The following ADGRL2 variants were observed in gnomAD, a reference collection of about 807,000 sequenced individuals.
ADGRL2 encodes the protein calcium-independent alpha-latrotoxin receptor 2.
A neutral mutation model predicts 157.4 loss-of-function variants in ADGRL2; 44 were observed. The ratio of observed to expected loss-of-function variants is 0.28; its 90% confidence interval spans 0.22 to 0.36. The LOEUF (loss-of-function observed/expected upper bound fraction) is 0.36. Ranked by LOEUF, ADGRL2 falls within the 10% of genes least tolerant of loss-of-function variation. The pLI is 1.00. For synonymous variants in ADGRL2, 585 were observed against 624.7 expected (o/e 0.94, Z 0.95); for missense variants, 1,510 against 1,768.9 (o/e 0.85, Z 2.63).
chr1:81,614,279 C>G (rs2081599548), intron 3 of ADGRL2, among the ~76,000 whole-genome samples: 1 of 152,046 alleles, frequency 6.6e-6, no homozygotes, highest in Non-Finnish European at 1.5e-5. Flanking sequence ...ATATGAAGTC[C>G]AAAAAAGATG....
At chr1:81,701,792 G>A (rs2083582814) in intron 1 of ADGRL2, among the ~76,000 whole-genome samples, 1 of 152,224 alleles carries the variant, frequency 6.6e-6, no homozygotes, top group Non-Finnish European at 1.5e-5. Flanking sequence ...GCAAAGCAGA[G>A]GATGTACTAT....
chr1:81,355,510 ACTT>A (rs1325093825), intron 1 of ADGRL2, among the ~76,000 whole-genome samples: 1 of 152,168 alleles, frequency 6.6e-6, no homozygotes, highest in Non-Finnish European at 1.5e-5. Context: ...TAATCTATAG[ACTT>A]CTTTGGATTA....
intron 1 of ADGRL2, among the ~76,000 whole-genome samples, chr1:81,810,655 G>A (rs2089747259): frequency 6.6e-6 from 1 of 151,658 alleles, no homozygotes; most frequent in Non-Finnish European, 1.5e-5. Flanking sequence ...AATATTCTAT[G>A]CTTATGTATT....
chr1:81,529,912 C>T (rs924116689), intron 2 of ADGRL2, among the ~76,000 whole-genome samples: 1 of 152,164 alleles, frequency 6.6e-6, no homozygotes, highest in Non-Finnish European at 1.5e-5. Context: ...TATTGAGGAA[C>T]AAAACCTGTG....
chr1:81,669,677 G>A (rs553094770), intron 3 of ADGRL2, among the ~76,000 whole-genome samples: 2 of 151,926 alleles, frequency 1.3e-5, no homozygotes, highest in Admixed American at 1.3e-4. Flanking sequence ...GTGTGGTGGT[G>A]CACACCTGTA....
intron 3 of ADGRL2, among the ~76,000 whole-genome samples, chr1:81,924,848 A>G (rs907425628): frequency 6.6e-6 from 1 of 152,070 alleles, no homozygotes; most frequent in African/African-American, 2.4e-5. Context: ...TTTTCATGTC[A>G]AAGAGATTGT....
intron 1 of ADGRL2, among the ~76,000 whole-genome samples, chr1:81,394,947 A>G (rs1210213788): frequency 2.6e-5 from 4 of 151,660 alleles, no homozygotes; most frequent in African/African-American, 9.7e-5. Flanking sequence ...CACCCTGGCC[A>G]GAGTGCAGTG....
chr1:81,958,899 C>T (rs1318713680), intron 11 of ADGRL2, among the ~76,000 whole-genome samples: 2 of 152,134 alleles, frequency 1.3e-5, no homozygotes, highest in African/African-American at 2.4e-5. Context: ...ATGTAGTACT[C>T]CTTTTGATCT....
At chr1:81,903,978 T>C (rs2094540101) in intron 2 of ADGRL2, among the ~76,000 whole-genome samples, 1 of 151,788 alleles carries the variant, frequency 6.6e-6, no homozygotes, top group Non-Finnish European at 1.5e-5. Flanking sequence ...GTGGGGGAGA[T>C]GGCATATAAT....
chr1:81,724,042 C>T (rs1030789143), intron 1 of ADGRL2, among the ~76,000 whole-genome samples: 18 of 152,012 alleles, frequency 1.2e-4, no homozygotes, highest in Admixed American at 1.2e-3. Context: ...TTTTCTTGGG[C>T]TAAAGACAGG....
At chr1:81,828,080 A>G (rs1310481945) in intron 1 of ADGRL2, among the ~76,000 whole-genome samples, 3 of 152,208 alleles carry the variant, frequency 2.0e-5, no homozygotes, top group African/African-American at 7.2e-5. Flanking sequence ...ATCTATAAAC[A>G]GGGGTTGGGC....
At chr1:81,315,340 A>G (rs1054476819) in intron 1 of ADGRL2, among the ~76,000 whole-genome samples, 2 of 152,150 alleles carry the variant, frequency 1.3e-5, no homozygotes, top group African/African-American at 2.4e-5. Context: ...CATAAAAAAA[A>G]AATCACATCC....
intron 1 of ADGRL2, among the ~76,000 whole-genome samples, chr1:81,416,358 T>G (rs1023321239): frequency 2.0e-5 from 3 of 151,760 alleles, no homozygotes; most frequent in Admixed American, 1.3e-4. Context: ...AACACAAAAT[T>G]TAATGGCCAG....
At position 81,837,002 on chromosome 1, in the gene ADGRL2, C is replaced by G. The variant is rs1571556079; in HGVS notation, c.18C>G (p.Cys6Trp). 1 of 1,591,732 alleles carries G rather than the reference C, an allele frequency of 6.3e-7. No individual in the cohort carries two copies. The highest frequency in any genetic ancestry group is 8.5e-7 in the Non-Finnish European group (1 of 1,169,620). ...GATCAATAATGGTGTCTTCTGGTTGCAGAATGCGAAGTCTGTGGTTTATCA... is the reference window on the plus strand; with the variant it reads ...GATCAATAATGGTGTCTTCTGGTTGGAGAATGCGAAGTCTGTGGTTTATCA... MVSSG[C>W]RMRSLWFIIV... Residue 6 changes from cysteine to tryptophan, a missense_variant, in exon 2 of 24, where the codon TGC (cysteine) becomes TGG (tryptophan). This residue lies in a region of ADGRL2 where 361 missense variants were observed against 498.4 expected (regional missense o/e 0.72). Coordinates refer to ENST00000686636, the MANE Select transcript of ADGRL2 (RefSeq NM_001366006.2).
In ADGRL2 at chr1:81,931,106, G is replaced by A. The variant is rs149055723; in HGVS notation, c.288-5622G>A. ...CAAGGTTGCAGTGAGCCAAGATCGT[G>A]CCACTGCACTCTAGCCTGGGCAACA... On this transcript the variant is annotated intron_variant, in intron 3 of 23. Coordinates refer to ENST00000686636, the MANE Select transcript of ADGRL2 (RefSeq NM_001366006.2). 3.1e-3 allele frequency among the ~76,000 whole-genome samples: 465 copies of A among 152,276 alleles called. 10 individuals are homozygous for A. Among genetic ancestry groups the A allele is most frequent in the East Asian group, 0.02 (102 of 5,166 alleles).
At chr1:81,326,559 G>T (rs927886213) in intron 1 of ADGRL2, among the ~76,000 whole-genome samples, 2 of 152,044 alleles carry the variant, frequency 1.3e-5, no homozygotes, top group Non-Finnish European at 2.9e-5. Flanking sequence ...AGTGTCACAC[G>T]GCAATCCAGC....
At chr1:81,348,699 C>T (rs535488625) in intron 1 of ADGRL2, among the ~76,000 whole-genome samples, 3 of 152,236 alleles carry the variant, frequency 2.0e-5, no homozygotes, top group African/African-American at 7.2e-5. Context: ...AAAGACTTCT[C>T]TTTCTTGCTG....
chr1:81,950,527 G>A, intron 7 of ADGRL2, 45 bp downstream of exon 7: 1 of 1,524,662 alleles, frequency 6.6e-7, no homozygotes, highest in Non-Finnish European at 8.9e-7. Context: ...AATTTAGTAA[G>A]TAGGTTCTGT....
chr1:81,885,742 T>G (rs948686710), intron 2 of ADGRL2, among the ~76,000 whole-genome samples: 1 of 152,144 alleles, frequency 6.6e-6, no homozygotes, highest in South Asian at 2.1e-4. Flanking sequence ...AGATTGAGGA[T>G]TCATTGCGAT....
Sources: allele counts gnomAD v4.1 joint callset (sites outside exome capture counted in the v4.1 genomes callset), GRCh38; gene constraint gnomAD v4.1.1; regional missense constraint gnomAD v4.1.1; transcripts MANE v1.5; gene names NCBI Gene and HGNC (gene_info 2026-07-23, HGNC 2026-07-21).